SIRPB2: variants seen among roughly 807,000 people sequenced by gnomAD.
SIRPB2 encodes the protein signal-regulatory protein beta-2.
Under a neutral mutation model 27.1 loss-of-function variants are expected in SIRPB2, and 18 were observed. The observed-to-expected ratio is 0.66, with a 90% CI of 0.46 to 0.98. The LOEUF is 0.98. SIRPB2 is among the 50% of genes least tolerant of loss of function. The pLI, the probability that SIRPB2 is intolerant of heterozygous loss-of-function variation, is 0.00. For synonymous variants in SIRPB2, 150 were observed against 164.6 expected, an observed-to-expected ratio of 0.91 and a Z score of 0.68; for missense variants, 420 against 417.4, an observed-to-expected ratio of 1.01 and a Z score of -0.06.
At chr20:1,480,282 T>G (rs908368221) in intron 1 of SIRPB2, 5 of 580,568 alleles carry the variant, frequency 8.6e-6, no homozygotes, top group Non-Finnish European at 1.5e-5. Flanking sequence ...TAAATAACAC[T>G]CAAGTGCTCA....
Position 1,476,185 on chromosome 20 carries a change from C to G in SIRPB2, c.1011G>C (p.Trp337Cys). The G allele has an allele frequency of 1.9e-6, 3 of 1,613,916 alleles. No individual in the cohort carries two copies. Among genetic ancestry groups the G allele is most frequent in the South Asian group, 2.2e-5 (2 of 91,040 alleles). Residue 337 changes from tryptophan to cysteine, a missense_variant, in exon 5 of 5, where the codon TGG becomes TGC. Coordinates refer to ENST00000359801, the MANE Select transcript of SIRPB2 (RefSeq NM_001122962.2). ...GPAGAMNTLAWSKGQE is the reference protein window; with the variant it reads ...GPAGAMNTLACSKGQE Reference sequence around the variant, plus strand: ...TGACCCCTCACTCTTGACCCTTGCTCCATGCTAAGGTGTTCATGGCTCCTG... The same window carrying G: ...TGACCCCTCACTCTTGACCCTTGCTGCATGCTAAGGTGTTCATGGCTCCTG...
chr20:1,482,701 C>A (rs2090684114), intron 1 of SIRPB2, among the ~76,000 whole-genome samples: 1 of 151,448 alleles, frequency 6.6e-6, no homozygotes, highest in Non-Finnish European at 1.5e-5. Context: ...CTGAGTACAG[C>A]TTACTTCACT....
At chr20:1,483,291 G>C (rs1412723948) in intron 1 of SIRPB2, among the ~76,000 whole-genome samples, 1 of 151,528 alleles carries the variant, frequency 6.6e-6, no homozygotes, top group Non-Finnish European at 1.5e-5. Context: ...ATTTTTAGTA[G>C]GGACAGAATT....
intron 1 of SIRPB2, among the ~76,000 whole-genome samples, chr20:1,482,834 T>G (rs1406794900): frequency 6.7e-6 from 1 of 148,494 alleles, no homozygotes; most frequent in Admixed American, 6.6e-5. Context: ...ATATATGTAT[T>G]TTTTTTATCA....
chr20:1,483,406 C>CT (rs2090693549), intron 1 of SIRPB2, among the ~76,000 whole-genome samples: 1 of 151,916 alleles, frequency 6.6e-6, no homozygotes, highest in Non-Finnish European at 1.5e-5. Context: ...AGCACCTGGC[C>CT]TTTTTTTGGG....
chr20:1,487,695 A>AT, intron 1 of SIRPB2, among the ~76,000 whole-genome samples: 1 of 152,280 alleles, frequency 6.6e-6, no homozygotes, highest in Non-Finnish European at 1.5e-5. Context: ...GTGCAGTGCT[A>AT]TTTTGGGTGT....
rs749719450 is a variant in SIRPB2 at position 1,477,175 on chromosome 20, T to C, written c.859+163A>G. ...TTATAGCTGAGCTGTTATAACATGG[T>C]TCTCTGGGGTCCTAGTTCTGCAGTT... On this transcript the variant is annotated intron_variant, in intron 4 of 4. Transcript: ENST00000359801. 5.0e-6 allele frequency: 8 copies of C among 1,593,188 alleles called. No individual in the cohort carries two copies. In the Admixed American group the frequency reaches 1.4e-4, roughly 28 times the overall value.
At chr20:1,478,044 C>A (rs1468649195) in intron 3 of SIRPB2, 2 of 671,958 alleles carry the variant, frequency 3.0e-6, no homozygotes, top group East Asian at 5.8e-5. Flanking sequence ...ATTAACTCTG[C>A]TTGAGAGGAG....
Position 1,478,439 on chromosome 20 carries a change from A to C in SIRPB2, c.620T>G (p.Phe207Cys), listed in dbSNP as rs1333926325. ...CTCCTTGGGGTGGGAGATGCCTCCA[A>C]AGTTGTAAATGGCCTCCCGGCTCAG... ...AGLSREAIYN[F>C]GGISHPKETA... is the part of the protein sequence containing the mutation. The change falls in exon 3 of 5, where the codon TTT becomes TGT. Residue 207 changes from phenylalanine (F) to cysteine (C), a missense_variant. Coordinates refer to ENST00000359801, the MANE Select transcript of SIRPB2 (RefSeq NM_001122962.2). 1 of 1,614,046 alleles carries C rather than the reference A, an allele frequency of 6.2e-7. No homozygotes were observed.
intron 1 of SIRPB2, among the ~76,000 whole-genome samples, chr20:1,483,515 T>C (rs1343031461): frequency 1.3e-5 from 2 of 152,258 alleles, no homozygotes; most frequent in Non-Finnish European, 2.9e-5. Flanking sequence ...TATTTTTTCA[T>C]ATACCTCTAG....
At chr20:1,477,111 C>T in intron 4 of SIRPB2, 1 of 1,506,316 alleles carries the variant, frequency 6.6e-7, no homozygotes, top group Non-Finnish European at 8.9e-7. Flanking sequence ...CAACATTTCC[C>T]ACTAAACAGT....
chr20:1,486,770 A>G (rs762908301), intron 1 of SIRPB2, among the ~76,000 whole-genome samples: 3 of 152,198 alleles, frequency 2.0e-5, no homozygotes, highest in Non-Finnish European at 4.4e-5. Context: ...GCAGTTTTCA[A>G]ACTTGAACAT....
At chr20:1,480,381 G>T (rs1017336197) in intron 1 of SIRPB2, 5 of 275,546 alleles carry the variant, frequency 1.8e-5, no homozygotes, top group Non-Finnish European at 3.5e-5. Flanking sequence ...TTTTGACAGA[G>T]GAAACTGAGG....
rs779747267 is a variant in SIRPB2 at position 1,478,366 on chromosome 20, G to A, written c.693C>T (p.Asn231=). ...AGGTGCCTGCATCCTCACTGGAGAC[G>A]TTTTGCAGAAGAATGCTGAAGTCAT... ...SNNDFSILLQ[N]VSSEDAGTYY... is the part of the protein sequence containing the mutation. Residue 231 remains asparagine, a synonymous_variant, in exon 3 of 5, where the codon AAC becomes AAT. Coordinates refer to ENST00000359801, the MANE Select transcript of SIRPB2 (RefSeq NM_001122962.2). 20 of 1,614,070 alleles carry A rather than the reference G, an allele frequency of 1.2e-5. No homozygotes were observed. The highest frequency in any genetic ancestry group is 3.3e-5 in the Admixed American group (2 of 60,010).
At chr20:1,481,142 A>T (rs1431770246) in intron 1 of SIRPB2, among the ~76,000 whole-genome samples, 1 of 152,114 alleles carries the variant, frequency 6.6e-6, no homozygotes, top group Non-Finnish European at 1.5e-5. Flanking sequence ...TGCTGTTATA[A>T]TCTCAATTTT....
chr20:1,479,601 C>T (rs2090645674), intron 2 of SIRPB2, 99 bp downstream of exon 2: 8 of 1,525,206 alleles, frequency 5.2e-6, no homozygotes, highest in Admixed American at 3.9e-5. Flanking sequence ...TTGTATGCCA[C>T]TGAAATTTTG....
At chr20:1,472,791 T>C (rs2090585061), downstream of SIRPB2, 1 of 152,188 alleles carries the variant, frequency 6.6e-6, no homozygotes, top group Non-Finnish European at 1.5e-5. Context: ...ATCTCTGCCA[T>C]GTATGTAGTT....
At chr20:1,490,328 C>T (rs1045825480) in intron 1 of SIRPB2, among the ~76,000 whole-genome samples, 39 of 152,110 alleles carry the variant, frequency 2.6e-4, no homozygotes, top group African/African-American at 7.5e-4. Flanking sequence ...ATGGCCACCC[C>T]GGAGGACCAA....
intron 1 of SIRPB2, among the ~76,000 whole-genome samples, chr20:1,489,686 A>C (rs1460611878): frequency 6.6e-6 from 1 of 151,926 alleles, no homozygotes; most frequent in Admixed American, 6.6e-5. Context: ...TCTGCCTTTC[A>C]TGGTTCCTGT....
Sources: gnomAD v4.1 joint callset for allele counts (sites outside exome capture counted in the v4.1 genomes callset) on GRCh38, gnomAD v4.1.1 for gene constraint, MANE v1.5 for transcripts, NCBI Gene and HGNC (gene_info 2026-07-23, HGNC 2026-07-21) for gene names.